Variants in SDK1 observed in about 807,000 individuals in gnomAD.
The protein encoded by SDK1 is protein sidekick-1.
A neutral mutation model predicts 245.5 loss-of-function variants in SDK1; 157 were observed. The ratio of observed to expected loss-of-function variants is 0.64; its 90% confidence interval spans 0.56 to 0.73. SDK1 has a LOEUF of 0.73. Ranked by LOEUF, SDK1 falls within the 30% of genes least tolerant of loss-of-function variation. SDK1 has a pLI of 0.00. For missense variants in SDK1, 3,583 were observed against 3,002.3 expected, an observed-to-expected ratio of 1.19 and a Z score of -4.52; for synonymous variants, 1,647 against 1,278.5, an observed-to-expected ratio of 1.29 and a Z score of -6.15.
At chr7:3,589,407 G>A (rs1036183140) in intron 1 of SDK1, among the ~76,000 whole-genome samples, 6 of 152,210 alleles carry the variant, frequency 3.9e-5, no homozygotes, top group East Asian at 1.9e-4. Flanking sequence ...GACTCTTCCC[G>A]TGCACCAGCA....
chr7:4,134,514 T>C (rs1778921210), intron 28 of SDK1, among the ~76,000 whole-genome samples: 1 of 152,184 alleles, frequency 6.6e-6, no homozygotes, highest in Non-Finnish European at 1.5e-5. Context: ...CAGCCTTTTC[T>C]GGAACAAGCA....
At chr7:4,115,228 C>T (rs1270626852) in intron 25 of SDK1, among the ~76,000 whole-genome samples, 3 of 152,192 alleles carry the variant, frequency 2.0e-5, no homozygotes, top group East Asian at 1.9e-4. Context: ...ACCAGCTGCA[C>T]CTCTGCCCCA....
At chr7:3,418,351 C>G (rs142757112) in intron 1 of SDK1, among the ~76,000 whole-genome samples, 12 of 152,176 alleles carry the variant, frequency 7.9e-5, no homozygotes, top group Admixed American at 5.2e-4. Context: ...TATACTATGA[C>G]TCTTTTCTCA....
intron 5 of SDK1, among the ~76,000 whole-genome samples, chr7:3,889,254 G>A (rs1284770799): frequency 2.0e-5 from 3 of 152,202 alleles, no homozygotes; most frequent in South Asian, 4.1e-4. Context: ...ATAGACTCCT[G>A]TGTCCAAAGG....
intron 17 of SDK1, among the ~76,000 whole-genome samples, chr7:4,037,961 C>A (rs1284270260): frequency 2.0e-5 from 3 of 152,184 alleles, no homozygotes; most frequent in Non-Finnish European, 2.9e-5. Flanking sequence ...TCATCCCCAG[C>A]AGTTTGTCTG....
At chr7:3,508,111 T>A (rs73293539) in intron 1 of SDK1, among the ~76,000 whole-genome samples, 4,913 of 152,214 alleles carry the variant, frequency 0.032, 276 homozygotes, top group African/African-American at 0.11. Flanking sequence ...CAGGGTGTTG[T>A]CCATTGTCCT....
intron 1 of SDK1, among the ~76,000 whole-genome samples, chr7:3,542,149 A>G (rs1226757797): frequency 6.6e-6 from 1 of 152,212 alleles, no homozygotes; most frequent in Non-Finnish European, 1.5e-5. Context: ...AAACTGTAGA[A>G]TTTTAATTCC....
chr7:4,163,660 G>A (rs780291771), intron 32 of SDK1, among the ~76,000 whole-genome samples: 11 of 152,172 alleles, frequency 7.2e-5, no homozygotes, highest in Non-Finnish European at 1.5e-4. Flanking sequence ...CTGCTGGGCC[G>A]GGAGAGAGAC....
At chr7:3,598,618 C>T (rs1419985104) in intron 1 of SDK1, among the ~76,000 whole-genome samples, 1 of 152,164 alleles carries the variant, frequency 6.6e-6, no homozygotes, top group African/African-American at 2.4e-5. Flanking sequence ...CCTCATTTCC[C>T]TTGTCCCCAT....
At chr7:3,704,797 A>G (rs1226762312) in intron 4 of SDK1, among the ~76,000 whole-genome samples, 3 of 152,120 alleles carry the variant, frequency 2.0e-5, no homozygotes, top group African/African-American at 7.2e-5. Flanking sequence ...ATCCTAGGAT[A>G]TCTAATAGAG....
At chr7:3,382,846 T>G (rs1407818437) in intron 1 of SDK1, among the ~76,000 whole-genome samples, 1 of 152,202 alleles carries the variant, frequency 6.6e-6, no homozygotes, top group Non-Finnish European at 1.5e-5. Flanking sequence ...GAGATACCTG[T>G]GAATTGGTTT....
intron 1 of SDK1, among the ~76,000 whole-genome samples, chr7:3,520,230 G>A (rs1171821636): frequency 6.6e-6 from 1 of 152,110 alleles, no homozygotes; most frequent in Non-Finnish European, 1.5e-5. Context: ...TAAGGGTTTG[G>A]ACCAACAGGT....
At chr7:3,778,599 T>C (rs922730374) in intron 4 of SDK1, among the ~76,000 whole-genome samples, 1 of 152,234 alleles carries the variant, frequency 6.6e-6, no homozygotes, top group African/African-American at 2.4e-5. Context: ...GTTTTGTATT[T>C]CATTGTAGCG....
chr7:3,325,485 A>C (rs915533114), intron 1 of SDK1, among the ~76,000 whole-genome samples: 11 of 152,144 alleles, frequency 7.2e-5, no homozygotes, highest in Non-Finnish European at 1.0e-4. Context: ...TAAGCGTGGC[A>C]CTTAAGATTC....
chr7:3,583,944 C>G (rs376603443), intron 1 of SDK1, among the ~76,000 whole-genome samples: 3 of 152,228 alleles, frequency 2.0e-5, no homozygotes, highest in East Asian at 1.9e-4. Context: ...TATCAGCAGA[C>G]CAGGAAGGAA....
At chr7:4,078,910 A>T (rs746875916) in intron 21 of SDK1, among the ~76,000 whole-genome samples, 2 of 152,146 alleles carry the variant, frequency 1.3e-5, no homozygotes, top group Non-Finnish European at 2.9e-5. Flanking sequence ...CGTCTTGGAA[A>T]CGAAATCCAA....
At position 3,507,167 on chromosome 7, in the gene SDK1, A is replaced by G. The variant is rs1043360531; in HGVS notation, c.299-111913A>G. Among the ~76,000 whole-genome samples, 5 of 152,112 alleles carry G rather than the reference A, an allele frequency of 3.3e-5. No individual in the cohort carries two copies. The East Asian group carries it at 9.6e-4, about 29-fold the overall frequency. On this transcript the variant is annotated intron_variant, in intron 1 of 44. Coordinates refer to ENST00000404826, the MANE Select transcript of SDK1 (RefSeq NM_152744.4). ...TTACTGAAGTTCCAGTGGGACTCTA[A>G]TGTCTTCAACACTGTGTGTACTTCA...
chr7:3,516,444 T>G lies in SDK1; in HGVS notation c.299-102636T>G, dbSNP rs921204264. Among the ~76,000 whole-genome samples the G allele has an allele frequency of 4.6e-5, 7 of 152,248 alleles. No individual in the cohort carries two copies. In the South Asian group the frequency reaches 1.4e-3, roughly 32 times the overall value. ...GAATTACTTTGTCACAGGCTAATTA[T>G]TGAAAGTATAGGTAATTTTTAGGTG... is the stretch of plus-strand genomic sequence containing the variant. On this transcript the variant is annotated intron_variant, in intron 1 of 44. Transcript: ENST00000404826.
At chr7:3,566,006 G>C (rs1275339536) in intron 1 of SDK1, among the ~76,000 whole-genome samples, 1 of 151,936 alleles carries the variant, frequency 6.6e-6, no homozygotes, top group African/African-American at 2.4e-5. Context: ...ACGACTTACA[G>C]CAACGAAAGC....
Sources: allele counts gnomAD v4.1 joint callset (sites outside exome capture counted in the v4.1 genomes callset), GRCh38; gene constraint gnomAD v4.1.1; transcripts MANE v1.5; gene names NCBI Gene and HGNC (gene_info 2026-07-23, HGNC 2026-07-21).